The following CAP1 variants were observed in gnomAD, a reference collection of about 807,000 sequenced individuals.
The protein encoded by CAP1 is cyclase associated actin cytoskeleton regulatory protein 1.
A neutral mutation model predicts 58.2 loss-of-function variants in CAP1; 11 were observed. The observed-to-expected ratio is 0.19, with a 90% CI of 0.12 to 0.31. CAP1 has a LOEUF of 0.31. CAP1 is among the 10% of genes least tolerant of loss of function. The pLI is 1.00. For synonymous variants in CAP1, 183 were observed against 213.8 expected (o/e 0.86, Z 1.26); for missense variants, 423 against 587.5 (o/e 0.72, Z 2.89).
chr1:40,071,130 A>T (rs189410231), intron 12 of CAP1, 151 bp downstream of exon 12: 1 of 786,260 alleles, frequency 1.3e-6, no homozygotes, highest in Non-Finnish European at 2.0e-6. Flanking sequence ...AGGTAGTCCC[A>T]TGTAGTGGAG....
intron 1 of CAP1, among the ~76,000 whole-genome samples, chr1:40,057,784 T>C (rs1438780654): frequency 6.6e-6 from 1 of 152,242 alleles, no homozygotes; most frequent in Non-Finnish European, 1.5e-5. Flanking sequence ...TTACCTGAAC[T>C]GAATTCAGTT....
At chr1:40,055,501 G>T (rs547437556) in intron 1 of CAP1, among the ~76,000 whole-genome samples, 1 of 152,030 alleles carries the variant, frequency 6.6e-6, no homozygotes, top group African/African-American at 2.4e-5. Flanking sequence ...AGTAATCTTG[G>T]TGAAGTCTTG....
chr1:40,044,083 T>G (rs1361504119), intron 1 of CAP1, among the ~76,000 whole-genome samples: 1 of 152,166 alleles, frequency 6.6e-6, no homozygotes, highest in Non-Finnish European at 1.5e-5. Context: ...AGCTATTGAG[T>G]CTGTAAAATG....
chr1:40,064,306 G>A lies in CAP1; in HGVS notation c.374G>A (p.Ser125Asn), dbSNP rs1557691195. 1 of 1,614,192 alleles carries A rather than the reference G, an allele frequency of 6.2e-7. No individual in the cohort carries two copies. The change falls in exon 5 of 13, where the codon AGC becomes AAC. Residue 125 changes from serine to asparagine, a missense_variant. By Grantham distance (46) the Ser-to-Asn change is conservative (BLOSUM62 1). Transcript: ENST00000372805. The stretch of plus-strand genomic sequence containing the variant: ...ACCTTTCGGGAGAAGAACCGAGGCA[G>A]CAAGTTGTTTAATCACCTGTCAGCT... ...VITFREKNRG[S>N]KLFNHLSAVS...
At position 40,071,595 on chromosome 1, in the gene CAP1, G is replaced by A. The variant is rs1648048478; in HGVS notation, c.*62G>A. On this transcript the variant is annotated 3_prime_UTR_variant, in exon 13 of 13. Transcript: ENST00000372805. ...CCATGGGATAAATCTGTATCAAGACGGTTCTTTTCTAGATTTCCTCTACCT... is the reference window on the plus strand; with the variant it reads ...CCATGGGATAAATCTGTATCAAGACAGTTCTTTTCTAGATTTCCTCTACCT... 14 of 1,084,110 alleles carry A rather than the reference G, an allele frequency of 1.3e-5. No individual in the cohort carries two copies. The highest frequency in any genetic ancestry group is 3.9e-5 in the Admixed American group (2 of 51,838). 67.2% of individuals were successfully genotyped at this position (1,084,110 alleles called of 1,614,324 possible). A position where few individuals can be genotyped will look rare whatever the true frequency, so the allele number is the denominator to read the frequency against.
intron 1 of CAP1, among the ~76,000 whole-genome samples, chr1:40,051,812 G>A (rs1033022578): frequency 1.3e-5 from 2 of 151,976 alleles, no homozygotes; most frequent in Non-Finnish European, 2.9e-5. Context: ...CTTGTGATCC[G>A]CCTGCCTCGG....
chr1:40,047,423 A>C (rs897937620), intron 1 of CAP1, among the ~76,000 whole-genome samples: 3 of 152,200 alleles, frequency 2.0e-5, no homozygotes, highest in Non-Finnish European at 4.4e-5. Context: ...TAATGGAAGG[A>C]GCAGACTTGC....
chr1:40,064,364 G>A lies in CAP1; in HGVS notation c.432G>A (p.Val144=). Residue 144 remains valine (V), a synonymous_variant, in exon 5 of 13, where the codon GTG becomes GTA. Transcript: ENST00000372805. The part of the protein sequence containing the change: ...VSESIQALGW[V]AMAPKPGPYV... ...AAAGTATCCAGGCCCTGGGCTGGGT[G>A]GCTATGGTGAGCAGCGCAGATTCCA... 6.2e-7 allele frequency: 1 copy of A among 1,614,138 alleles called. No homozygotes were observed. The highest frequency in any genetic ancestry group is 8.5e-7 in the Non-Finnish European group (1 of 1,179,996).
intron 3 of CAP1, 120 bp downstream of exon 3, chr1:40,060,290 C>A: frequency 4.6e-6 from 3 of 654,522 alleles, no homozygotes; most frequent in Non-Finnish European, 8.0e-6. Context: ...TGGGGCATTA[C>A]ACATGTTCTT....
intron 7 of CAP1, 78 bp downstream of exon 7, chr1:40,066,398 TCAG>T (rs1357037203): frequency 2.6e-5 from 20 of 757,288 alleles, no homozygotes; most frequent in Non-Finnish European, 4.3e-5. Flanking sequence ...TTCTTAGACT[TCAG>T]CACTACCAAA....
At chr1:40,051,578 T>A (rs908667425) in intron 1 of CAP1, among the ~76,000 whole-genome samples, 4 of 152,124 alleles carry the variant, frequency 2.6e-5, no homozygotes, top group Non-Finnish European at 5.9e-5. Flanking sequence ...TTTTTTGTTT[T>A]GTTTTTTTGT....
At chr1:40,045,317 C>T (rs16826785) in intron 1 of CAP1, among the ~76,000 whole-genome samples, 18,091 of 152,130 alleles carry the variant, frequency 0.12, 1,198 homozygotes, top group East Asian at 0.23. Flanking sequence ...AGGGCAGGCC[C>T]CATAGCCATA....
chr1:40,059,270 C>A, intron 1 of CAP1, 67 bp from the exon 2 acceptor site: 1 of 889,028 alleles, frequency 1.1e-6, no homozygotes, highest in South Asian at 1.4e-5. Context: ...CAGGAATTTT[C>A]TGTTTTTTTC....
chr1:40,043,791 C>T (rs993022396), intron 1 of CAP1, among the ~76,000 whole-genome samples: 2 of 151,872 alleles, frequency 1.3e-5, no homozygotes, highest in African/African-American at 2.4e-5. Context: ...GCAGGAGACT[C>T]GCTTGAACCC....
intron 1 of CAP1, among the ~76,000 whole-genome samples, chr1:40,053,707 A>G (rs1646485137): frequency 2.6e-5 from 4 of 152,182 alleles, no homozygotes; most frequent in Non-Finnish European, 5.9e-5. Flanking sequence ...TCAGCCTCCC[A>G]AAGTGCTGTG....
At chr1:40,055,322 A>G (rs902126556) in intron 1 of CAP1, among the ~76,000 whole-genome samples, 2 of 96,198 alleles carry the variant, frequency 2.1e-5, no homozygotes, top group African/African-American at 6.8e-5. Flanking sequence ...GTATGTGTCA[A>G]ATGCAACTCT....
chr1:40,058,035 C>T (rs557057798), intron 1 of CAP1, among the ~76,000 whole-genome samples: 191 of 152,280 alleles, frequency 1.3e-3, no homozygotes, highest in African/African-American at 4.5e-3. Context: ...CATCTACTAC[C>T]TGCCAGGTAG....
chr1:40,052,985 G>A (rs12565927), intron 1 of CAP1, among the ~76,000 whole-genome samples: 17,561 of 151,888 alleles, frequency 0.12, 1,144 homozygotes, highest in South Asian at 0.2. Context: ...AGCACTTTGG[G>A]AGGCCAAGGC....
chr1:40,046,389 G>C (rs1350966269), intron 1 of CAP1, among the ~76,000 whole-genome samples: 1 of 152,120 alleles, frequency 6.6e-6, no homozygotes, highest in Non-Finnish European at 1.5e-5. Context: ...CGGGGAGGTG[G>C]AGGTTGCAGT....
Sources: gnomAD v4.1 joint callset for allele counts (sites outside exome capture counted in the v4.1 genomes callset) on GRCh38, gnomAD v4.1.1 for gene constraint, MANE v1.5 for transcripts, NCBI Gene and HGNC (gene_info 2026-07-23, HGNC 2026-07-21) for gene names.